The following NUP54 variants were observed in gnomAD, a reference collection of about 807,000 sequenced individuals.
NUP54 encodes the protein nucleoporin p54.
Under a neutral mutation model 66.4 loss-of-function variants are expected in NUP54, and 27 were observed. The observed-to-expected ratio is 0.41, with a 90% CI of 0.30 to 0.56. The LOEUF (loss-of-function observed/expected upper bound fraction) is 0.56, where lower values mean the gene tolerates loss of function less well. Ranked by LOEUF, NUP54 falls within the 20% of genes least tolerant of loss-of-function variation. The pLI, the probability that NUP54 is intolerant of heterozygous loss-of-function variation, is 0.34. For missense variants in NUP54, 486 were observed against 596.3 expected (o/e 0.82, Z 1.93); for synonymous variants, 206 against 210.7 (o/e 0.98, Z 0.19).
intron 9 of NUP54, among the ~76,000 whole-genome samples, chr4:76,122,603 A>G (rs1730284229): frequency 6.6e-6 from 1 of 152,206 alleles, no homozygotes; most frequent in Non-Finnish European, 1.5e-5. Context: ...GATGCTACAA[A>G]CAGAAATGTA....
At position 76,125,338 on chromosome 4, in the gene NUP54, A is replaced by ACGTG. The variant is rs769313894; in HGVS notation, c.1057-583_1057-582insCACG. Among the ~76,000 whole-genome samples the ACGTG allele has an allele frequency of 3.9e-3, 551 of 142,724 alleles. 16 individuals are homozygous for ACGTG. The East Asian group carries it at 0.069, about 18-fold the overall frequency. 93.6% of individuals were successfully genotyped at this position (142,724 alleles called of 152,430 possible). ...CCATCACACACACACACACACACAC[A>ACGTG]CACACACACACACGGCTGGGCACAG... On this transcript the variant is annotated intron_variant, in intron 8 of 11. Coordinates refer to ENST00000264883, the MANE Select transcript of NUP54 (RefSeq NM_017426.4).
At chr4:76,128,986 TGGATAGGA>T (rs1369804842) in intron 8 of NUP54, among the ~76,000 whole-genome samples, 1 of 152,168 alleles carries the variant, frequency 6.6e-6, no homozygotes, top group Non-Finnish European at 1.5e-5. Flanking sequence ...AAAGTACAGC[TGGATAGGA>T]GGATTAAGTT....
At chr4:76,128,032 C>T (rs537161482) in intron 8 of NUP54, among the ~76,000 whole-genome samples, 7 of 152,088 alleles carry the variant, frequency 4.6e-5, no homozygotes, top group African/African-American at 1.2e-4. Context: ...TCCCCTCAGG[C>T]GTCCCTAGTC....
chr4:76,148,277 TC>T, intron 1 of NUP54, 30 bp downstream of exon 1: 1 of 1,341,426 alleles, frequency 7.5e-7, no homozygotes, highest in South Asian at 2.0e-5. Flanking sequence ...TTCCCCTTCT[TC>T]CCGGGTGAAG....
chr4:76,140,060 T>C (rs1415658511), intron 3 of NUP54, among the ~76,000 whole-genome samples: 3 of 152,088 alleles, frequency 2.0e-5, no homozygotes, highest in Non-Finnish European at 4.4e-5. Flanking sequence ...TATTACTGTT[T>C]CAAGAAAAAA....
rs1245773572 is a variant in NUP54 at position 76,134,162 on chromosome 4, T to C, written c.710+13A>G. On this transcript the variant is annotated intron_variant, in intron 5 of 11. Transcript: ENST00000264883. ...AATACACAGAAATAAACAGTATATT[T>C]ATGTATACTTACTGATCATCTGGCA... 3 of 1,573,580 alleles carry C rather than the reference T, an allele frequency of 1.9e-6. No individual in the cohort carries two copies. Among genetic ancestry groups the C allele is most frequent in the Non-Finnish European group, 1.7e-6 (2 of 1,145,958 alleles).
chr4:76,140,906 A>T (rs904833335), intron 3 of NUP54, among the ~76,000 whole-genome samples: 10 of 152,216 alleles, frequency 6.6e-5, no homozygotes, highest in African/African-American at 2.4e-4. Flanking sequence ...GAGATATAGA[A>T]ATGGAAGGCC....
chr4:76,122,205 T>G (rs1179136853), intron 9 of NUP54, among the ~76,000 whole-genome samples: 1 of 152,246 alleles, frequency 6.6e-6, no homozygotes, highest in Non-Finnish European at 1.5e-5. Flanking sequence ...CATAGTATAT[T>G]TTTTAAGAAA....
rs1203897316 is a variant in NUP54 at position 76,134,318 on chromosome 4, C to T, written c.567G>A (p.Gly189=). The T allele has an allele frequency of 6.2e-7, 1 of 1,613,774 alleles. No individual in the cohort carries two copies. The highest frequency in any genetic ancestry group is 1.1e-5 in the South Asian group (1 of 91,058). Residue 189 remains glycine (G), a synonymous_variant, in exon 5 of 12, where the codon GGG becomes GGA. Transcript: ENST00000264883. ...SCMPSNKDED[G]LVVLVFNKKE... ...TTTTGTTGAAAACTAAAACCACTAG[C>T]CCATCTTCATCTTTATTACTGGGCA... is the stretch of plus-strand genomic sequence containing the variant.
chr4:76,132,118 G>A (rs7668038), intron 6 of NUP54, among the ~76,000 whole-genome samples: 19,994 of 151,772 alleles, frequency 0.13, 1,535 homozygotes, highest in East Asian at 0.35. Context: ...CCGGGGAAAG[G>A]AACTAAAGGT....
intron 1 of NUP54, chr4:76,145,648 T>C: frequency 9.7e-7 from 1 of 1,025,810 alleles, no homozygotes; most frequent in Non-Finnish European, 1.3e-6. Flanking sequence ...TTTTTGTAAC[T>C]TATTGTCAGT....
intron 5 of NUP54, among the ~76,000 whole-genome samples, chr4:76,133,053 T>G (rs1217577954): frequency 6.7e-6 from 1 of 149,450 alleles, no homozygotes; most frequent in East Asian, 1.9e-4. Context: ...ATATGATATA[T>G]ATATATATAT....
intron 8 of NUP54, among the ~76,000 whole-genome samples, chr4:76,130,035 C>A (rs1730733631): frequency 9.4e-6 from 1 of 106,314 alleles, no homozygotes; most frequent in Non-Finnish European, 1.7e-5. Context: ...GGCTGGAGTG[C>A]AGTGGCACGA....
intron 3 of NUP54, among the ~76,000 whole-genome samples, chr4:76,140,119 C>A (rs762158202): frequency 2.0e-5 from 3 of 151,658 alleles, no homozygotes; most frequent in African/African-American, 7.3e-5. Context: ...GACTGGGGAA[C>A]GGAGTACAGC....
chr4:76,139,555 A>G (rs1731176804), intron 3 of NUP54, among the ~76,000 whole-genome samples: 1 of 152,200 alleles, frequency 6.6e-6, no homozygotes, highest in South Asian at 2.1e-4. Context: ...AACTTAAGGG[A>G]CATGACAAGA....
intron 1 of NUP54, 81 bp from the exon 2 acceptor site, chr4:76,144,554 T>A: frequency 1.0e-6 from 1 of 981,850 alleles, no homozygotes; most frequent in Non-Finnish European, 1.4e-6. Context: ...TATTTTATAA[T>A]TGCTACATAT....
At chr4:76,136,522 A>C (rs905768413) in intron 3 of NUP54, 110 bp from the exon 4 acceptor site, 5 of 713,542 alleles carry the variant, frequency 7.0e-6, no homozygotes, top group Non-Finnish European at 7.1e-6. Context: ...CCCATATCCT[A>C]ATCTACAGAA....
Position 76,117,696 on chromosome 4 carries a change from TG to T in NUP54, c.1362del (p.Tyr454Ter), listed in dbSNP as rs1446283235. On this transcript the variant is annotated frameshift_variant, in exon 11 of 12. Coordinates refer to ENST00000264883, the MANE Select transcript of NUP54 (RefSeq NM_017426.4). LOFTEE classifies it high-confidence loss of function. Reference sequence around the variant, plus strand: ...ATTTCTCGTAACAGATCTGCATCTATGTAATACCTTTCTTCAGATCTGACTG... The same window carrying T: ...ATTTCTCGTAACAGATCTGCATCTATTAATACCTTTCTTCAGATCTGACTG... ...FGAVRSEERY[Y>X]IDADLLREIK... 6.2e-7 allele frequency: 1 copy of T among 1,613,082 alleles called. No homozygotes were observed. Among genetic ancestry groups the T allele is most frequent in the Admixed American group, 1.7e-5 (1 of 60,018 alleles).
In NUP54 at chr4:76,125,479, T is replaced by C. The variant is rs189171859; in HGVS notation, c.1057-723A>G. Among the ~76,000 whole-genome samples the C allele has an allele frequency of 2.8e-3, 424 of 149,530 alleles. 2 individuals carry two copies. The highest frequency in any genetic ancestry group is 1.0e-2 in the African/African-American group (405 of 40,534). ...CAAGACCTTGTCTCTACAAAAAATA[T>C]AAAAAATTAACCAGGTGTAGTGCTA... On this transcript the variant is annotated intron_variant, in intron 8 of 11. Transcript: ENST00000264883.
Sources: allele counts gnomAD v4.1 joint callset (sites outside exome capture counted in the v4.1 genomes callset), GRCh38; gene constraint gnomAD v4.1.1; transcripts MANE v1.5; gene names NCBI Gene and HGNC (gene_info 2026-07-23, HGNC 2026-07-21).